Variants in MDGA1 observed in about 807,000 individuals in gnomAD.
The protein encoded by MDGA1 is MAM domain-containing glycosylphosphatidylinositol anchor protein 1.
MDGA1 carries 54 observed loss-of-function variants against 101.5 expected under a neutral mutation model. That is an observed-to-expected ratio of 0.53 (90% confidence interval 0.43 to 0.67). The LOEUF is 0.67. MDGA1 is among the 30% of genes least tolerant of loss of function. The pLI is 0.00. For missense variants in MDGA1, 1,083 were observed against 1,323.8 expected (o/e 0.82, Z 2.82); for synonymous variants, 533 against 558.3 (o/e 0.95, Z 0.64).
chr6:37,668,700 A>T (rs1761807210), intron 1 of MDGA1, among the ~76,000 whole-genome samples: 1 of 152,236 alleles, frequency 6.6e-6, no homozygotes, highest in Non-Finnish European at 1.5e-5. Context: ...TAAAAAGAAT[A>T]GTGTGTGATT....
chr6:37,644,674 C>T lies in MDGA1; in HGVS notation c.2249-25G>A, dbSNP rs1020031981. On this transcript the variant is annotated intron_variant, in intron 12 of 16. Transcript: ENST00000434837. ...TCTGCATTTTATGGGGCGAATGAGA[C>T]AAAGAGTCAGCCTCTTCAGTCCCTG... The T allele has an allele frequency of 3.3e-6, 5 of 1,527,668 alleles. No homozygotes were observed. In the East Asian group the frequency reaches 1.0e-4, roughly 31 times the overall value. The allele number at this position is 1,527,668 out of a possible 1,614,324, so 94.6% of individuals were successfully genotyped here. A position where few individuals can be genotyped will look rare whatever the true frequency, so the allele number is the denominator to read the frequency against.
chr6:37,674,828 G>A (rs1207531148), intron 1 of MDGA1, among the ~76,000 whole-genome samples: 2 of 152,196 alleles, frequency 1.3e-5, no homozygotes, highest in Non-Finnish European at 2.9e-5. Context: ...GGCTGAGGCA[G>A]GCGGATCATT....
chr6:37,635,336 A>G lies in MDGA1; in HGVS notation c.*2032T>C. ...GGGAGGTGGCGAAGGTGGAGGGGGG[A>G]CTTGGAAGGCTCAGAGGAGGAGCTC... On this transcript the variant is annotated 3_prime_UTR_variant, in exon 17 of 17. Transcript: ENST00000434837. 3 of 397,508 alleles carry G rather than the reference A, an allele frequency of 7.5e-6. No individual in the cohort carries two copies. Among genetic ancestry groups the G allele is most frequent in the Non-Finnish European group, 1.3e-5 (3 of 226,008 alleles). The allele number at this position is 397,508 out of a possible 1,614,324, so 24.6% of individuals were successfully genotyped here.
chr6:37,669,663 C>T (rs1281539435), intron 1 of MDGA1, among the ~76,000 whole-genome samples: 2 of 152,204 alleles, frequency 1.3e-5, no homozygotes, highest in Non-Finnish European at 2.9e-5. Context: ...CAGCCTCCAT[C>T]CAGCTCCACA....
chr6:37,652,408 A>T lies in MDGA1; in HGVS notation c.983-68T>A. The T allele has an allele frequency of 7.8e-7, 1 of 1,281,688 alleles. No homozygotes were observed. Among genetic ancestry groups the T allele is most frequent in the Admixed American group, 2.2e-5 (1 of 44,854 alleles). The allele number at this position is 1,281,688 out of a possible 1,614,324, so 79.4% of individuals were successfully genotyped here. A position where few individuals can be genotyped will look rare whatever the true frequency, so the allele number is the denominator to read the frequency against. On this transcript the variant is annotated intron_variant, in intron 6 of 16. Transcript: ENST00000434837. The surrounding 1 kb of genome is among the most constrained non-coding windows in gnomAD (Gnocchi z 4.3). ...ACTCCAGGGGTCCATGTCCCACCCC[A>T]ACCCAGACCCAGCTTCTCCCCTCTA...
chr6:37,672,582 G>A (rs373665246), intron 1 of MDGA1, among the ~76,000 whole-genome samples: 1 of 152,192 alleles, frequency 6.6e-6, no homozygotes, highest in African/African-American at 2.4e-5. Context: ...AGGAGAAGGA[G>A]TGGCTGCAAA....
intron 1 of MDGA1, among the ~76,000 whole-genome samples, chr6:37,670,678 C>G (rs920830606): frequency 7.9e-5 from 12 of 152,252 alleles, no homozygotes; most frequent in Admixed American, 7.2e-4. Flanking sequence ...CCCCTGCAGC[C>G]TGCAAGCCGT....
chr6:37,649,568 A>C (rs1761307814), intron 8 of MDGA1, among the ~76,000 whole-genome samples: 1 of 151,900 alleles, frequency 6.6e-6, no homozygotes, highest in Non-Finnish European at 1.5e-5. Flanking sequence ...AGGATAACGC[A>C]GGGGTTTCGC....
intron 4 of MDGA1, 45 bp from the exon 5 acceptor site, chr6:37,654,977 C>T: frequency 6.2e-7 from 1 of 1,605,428 alleles, no homozygotes; most frequent in Non-Finnish European, 8.5e-7. Context: ...GCTTGAGTCT[C>T]CAGGGATCCC....
At chr6:37,642,256 G>C (rs956526529) in intron 14 of MDGA1, among the ~76,000 whole-genome samples, 1 of 146,150 alleles carries the variant, frequency 6.8e-6, no homozygotes, top group Admixed American at 7.0e-5. Flanking sequence ...CTCGGCTCAC[G>C]GCAACCTCCA....
Position 37,650,089 on chromosome 6 carries a change from G to A in MDGA1, c.1609+20C>T. On this transcript the variant is annotated intron_variant, in intron 8 of 16. Transcript: ENST00000434837. ...AGAAGGAAAGCTGGGAAGGTAGTCC[G>A]GGTGGCGTGGTGGACTCACACTGCA... 1.2e-6 allele frequency: 2 copies of A among 1,611,178 alleles called. No individual in the cohort carries two copies. Among genetic ancestry groups the A allele is most frequent in the Non-Finnish European group, 1.7e-6 (2 of 1,178,264 alleles).
intron 1 of MDGA1, among the ~76,000 whole-genome samples, chr6:37,664,904 C>A (rs892500727): frequency 6.7e-6 from 1 of 149,050 alleles, no homozygotes; most frequent in African/African-American, 2.5e-5. Context: ...CACACACACA[C>A]ACGGCTGCAC....
At chr6:37,692,736 G>A (rs919611227) in intron 1 of MDGA1, among the ~76,000 whole-genome samples, 1 of 151,426 alleles carries the variant, frequency 6.6e-6, no homozygotes, top group African/African-American at 2.4e-5. Flanking sequence ...AATATACCAG[G>A]CTCTAAATGA....
intron 1 of MDGA1, among the ~76,000 whole-genome samples, chr6:37,690,030 C>A (rs1762276199): frequency 6.6e-6 from 1 of 152,224 alleles, no homozygotes; most frequent in African/African-American, 2.4e-5. Flanking sequence ...GCCTTCAAGG[C>A]TCCAAATGAT....
At chr6:37,680,159 G>C (rs116363870) in intron 1 of MDGA1, among the ~76,000 whole-genome samples, 56 of 152,364 alleles carry the variant, frequency 3.7e-4, no homozygotes, top group African/African-American at 9.1e-4. Context: ...ACACACCAGG[G>C]AAGGCAAAGG....
Position 37,650,214 on chromosome 6 carries a change from C to T in MDGA1, c.1504G>A (p.Glu502Lys). The change falls in exon 8 of 17, where the codon GAG (glutamate) becomes AAG (lysine). Residue 502 changes from glutamate (E) to lysine (K), a missense_variant. By Grantham distance (56) the Glu-to-Lys change is moderately conservative. Coordinates refer to ENST00000434837, the MANE Select transcript of MDGA1 (RefSeq NM_153487.4). ...CCGCTCATGTCTCGGCTCACTCGCT[C>T]CAGCCGCAGCTTCCCGTCCGGAGTC... ...EETPDGKLRL[E>K]RVSRDMSGTY... 1 of 1,612,302 alleles carries T rather than the reference C, an allele frequency of 6.2e-7. No individual in the cohort carries two copies. Among genetic ancestry groups the T allele is most frequent in the Non-Finnish European group, 8.5e-7 (1 of 1,179,594 alleles).
chr6:37,672,253 C>A (rs1180593463), intron 1 of MDGA1, among the ~76,000 whole-genome samples: 1 of 151,978 alleles, frequency 6.6e-6, no homozygotes, highest in Admixed American at 6.6e-5. Flanking sequence ...GGGTTCAAGA[C>A]CAGCCTGGGC....
At position 37,632,032 on chromosome 6, in the gene MDGA1, C is replaced by T. The variant is rs1417576186; in HGVS notation, c.*5336G>A. 1.3e-5 allele frequency: 2 copies of T among 152,256 alleles called. No individual in the cohort carries two copies. Among genetic ancestry groups the T allele is most frequent in the African/African-American group, 2.4e-5 (1 of 41,440 alleles). The allele number at this position is 152,256 out of a possible 1,614,324, so 9.4% of individuals were successfully genotyped here. A position where few individuals can be genotyped will look rare whatever the true frequency, so the allele number is the denominator to read the frequency against. The stretch of plus-strand genomic sequence containing the variant: ...CTTGAGCCTTCTAAGTTTTTGGGCC[C>T]TGTTGGCCTTTGCATATTCTGTTCC... On this transcript the variant is annotated 3_prime_UTR_variant, in exon 17 of 17. Coordinates refer to ENST00000434837, the MANE Select transcript of MDGA1 (RefSeq NM_153487.4).
intron 2 of MDGA1, among the ~76,000 whole-genome samples, chr6:37,663,531 A>G (rs1469661227): frequency 6.6e-6 from 1 of 152,098 alleles, no homozygotes. Flanking sequence ...ACCCAACCTC[A>G]CTGAGTCGCA....
Sources: allele counts gnomAD v4.1 joint callset (sites outside exome capture counted in the v4.1 genomes callset), GRCh38; gene constraint gnomAD v4.1.1; non-coding constraint Gnocchi (gnomAD v3.1); transcripts MANE v1.5; gene names NCBI Gene and HGNC (gene_info 2026-07-23, HGNC 2026-07-21).